The following MYO10 variants were observed in gnomAD, a reference collection of about 807,000 sequenced individuals.
MYO10 encodes myosin X, also known as unconventional myosin-X.
In MYO10, 133 loss-of-function variants were observed where a neutral mutation model predicts 257.3. The ratio of observed to expected loss-of-function variants is 0.52; its 90% CI spans 0.45 to 0.60. The LOEUF (loss-of-function observed/expected upper bound fraction) is 0.60. Among genes scored for constraint, MYO10 ranks in the 20% least tolerant of loss-of-function variants. The pLI is 0.00. For missense variants in MYO10, 2,399 were observed against 2,635.7 expected (o/e 0.91, Z 1.97); for synonymous variants, 1,104 against 1,028.6 (o/e 1.07, Z -1.40).
At chr5:16,730,553 G>C (rs184181833) in intron 19 of MYO10, among the ~76,000 whole-genome samples, 2 of 152,308 alleles carry the variant, frequency 1.3e-5, no homozygotes, top group Admixed American at 6.5e-5. Context: ...ATAACCAGAA[G>C]ACAAATCAGT....
chr5:16,872,942 G>A (rs1399536142), intron 2 of MYO10, among the ~76,000 whole-genome samples: 1 of 152,110 alleles, frequency 6.6e-6, no homozygotes, highest in Non-Finnish European at 1.5e-5. Flanking sequence ...TGAGATTTGG[G>A]TAGGGACACA....
rs139792900 is a variant in MYO10 at position 16,932,710 on chromosome 5, T to G, written c.21+3078A>C. Among the ~76,000 whole-genome samples the G allele has an allele frequency of 1.9e-3, 286 of 152,328 alleles. 2 individuals are homozygous for G. Among genetic ancestry groups the G allele is most frequent in the Non-Finnish European group, 3.1e-3 (214 of 68,030 alleles). ...TTGAAGTCAGCAGCTGTCAGCTGAC[T>G]GGCACAAGCTTTGCAAGCTTCCCCC... On this transcript the variant is annotated intron_variant, in intron 1 of 40. Coordinates refer to ENST00000513610, the MANE Select transcript of MYO10 (RefSeq NM_012334.3).
chr5:16,882,383 T>G (rs1744778794), intron 1 of MYO10, among the ~76,000 whole-genome samples: 5 of 146,926 alleles, frequency 3.4e-5, no homozygotes, highest in Admixed American at 3.4e-4. Flanking sequence ...CATAATCTTA[T>G]CATATATGTC....
intron 19 of MYO10, among the ~76,000 whole-genome samples, chr5:16,718,737 G>T (rs987030436): frequency 2.2e-4 from 33 of 151,982 alleles, no homozygotes; most frequent in Non-Finnish European, 4.4e-4. Context: ...TCTAGCTCAA[G>T]GATTGTAAAT....
At chr5:16,679,681 C>T (rs1245041355) in intron 33 of MYO10, among the ~76,000 whole-genome samples, 1 of 152,024 alleles carries the variant, frequency 6.6e-6, no homozygotes, top group Non-Finnish European at 1.5e-5. Context: ...TGCGTCACTA[C>T]ACCCGGCTAA....
intron 2 of MYO10, among the ~76,000 whole-genome samples, chr5:16,854,745 C>T (rs1262754731): frequency 6.6e-6 from 1 of 152,076 alleles, no homozygotes; most frequent in Non-Finnish European, 1.5e-5. Context: ...CAAAACAAAA[C>T]TATTGGCCGG....
chr5:16,797,115 GTA>G (rs1741995041), intron 3 of MYO10, among the ~76,000 whole-genome samples: 1 of 152,168 alleles, frequency 6.6e-6, no homozygotes, highest in Non-Finnish European at 1.5e-5. Flanking sequence ...GTTTTGTTCA[GTA>G]TAACTTTTCA....
At position 16,758,186 on chromosome 5, in the gene MYO10, G is replaced by A. The variant is rs765362402; in HGVS notation, c.1780C>T (p.Arg594Cys). ...CATTTCAAGGTATCCTGGTTGTTGC[G>A]GCTTGAAACATGTTCAAAAAGATCG... is the stretch of plus-strand genomic sequence containing the variant. ...IYDLFEHVSS[R>C]NNQDTLKCGS... is the part of the protein sequence containing the mutation. The change falls in exon 18 of 41, where the codon CGC becomes TGC. Residue 594 changes from arginine (R) to cysteine (C), a missense_variant. Physicochemically the swap from Arg to Cys is radical, Grantham distance 180. Transcript: ENST00000513610. 2.5e-5 allele frequency: 40 copies of A among 1,613,462 alleles called. No homozygotes were observed. Among genetic ancestry groups the A allele is most frequent in the Non-Finnish European group, 3.1e-5 (36 of 1,179,592 alleles).
At chr5:16,745,267 G>A (rs1400196236) in intron 19 of MYO10, among the ~76,000 whole-genome samples, 3 of 152,144 alleles carry the variant, frequency 2.0e-5, no homozygotes, top group Admixed American at 6.6e-5. Context: ...TTGAACCCGG[G>A]GGAGGTGGAG....
intron 1 of MYO10, among the ~76,000 whole-genome samples, chr5:16,917,801 G>A (rs892885096): frequency 6.6e-6 from 1 of 152,142 alleles, no homozygotes; most frequent in African/African-American, 2.4e-5. Flanking sequence ...CTTGAGCCCA[G>A]GAGGTCCGGG....
intron 9 of MYO10, among the ~76,000 whole-genome samples, chr5:16,769,838 T>A (rs1432200013): frequency 6.6e-6 from 1 of 152,234 alleles, no homozygotes; most frequent in African/African-American, 2.4e-5. Context: ...CAGTTTTCTG[T>A]ACAGCTATCA....
chr5:16,670,850 C>G lies in MYO10; in HGVS notation c.5559G>C (p.Glu1853Asp). 1.2e-6 allele frequency: 2 copies of G among 1,613,952 alleles called. No homozygotes were observed. The highest frequency in any genetic ancestry group is 1.7e-6 in the Non-Finnish European group (2 of 1,179,888). ...CCTTGAGTCTCTGCAGGGAATAAAC[C>G]TCTTCGAGAGGTGGGATGGCAGCGT... Reference protein sequence around the residue: ...TLHAAIPPLEEVYSLQRLKAR... With the variant: ...TLHAAIPPLEDVYSLQRLKAR... Residue 1853 changes from glutamate to aspartate, a missense_variant, in exon 39 of 41, where the codon GAG (glutamate) becomes GAC (aspartate). By Grantham distance (45) the Glu-to-Asp change is conservative. Transcript: ENST00000513610.
At chr5:16,672,333 A>G (rs1359475070) in intron 37 of MYO10, among the ~76,000 whole-genome samples, 1 of 150,786 alleles carries the variant, frequency 6.6e-6, no homozygotes, top group Non-Finnish European at 1.5e-5. Context: ...TATTGTAGAC[A>G]TAACACATAG....
rs1736014576 is a variant in MYO10 at position 16,662,321 on chromosome 5, T to TTTTTTTTTTTTTTTTC, written c.*4370_*4371insGAAAAAAAAAAAAAAA. On this transcript the variant is annotated 3_prime_UTR_variant, in exon 41 of 41. Coordinates refer to ENST00000513610, the MANE Select transcript of MYO10 (RefSeq NM_012334.3). ...CTGTCTTAGATTTCTGAACTATTTTTTTTTTTTTTTTTTTTTTTTGGAGAC... is the reference window on the plus strand; with the variant it reads ...CTGTCTTAGATTTCTGAACTATTTTTTTTTTTTTTTTTTTTCTTTTTTTTTTTTTTTTTTTGGAGAC... The TTTTTTTTTTTTTTTTC allele has an allele frequency of 1.7e-5, 1 of 60,272 alleles. No individual in the cohort carries two copies. Among genetic ancestry groups the TTTTTTTTTTTTTTTTC allele is most frequent in the African/African-American group, 6.8e-5 (1 of 14,618 alleles). The allele number at this position is 60,272 out of a possible 1,614,324, so 3.7% of individuals were successfully genotyped here. A position where few individuals can be genotyped will look rare whatever the true frequency, so the allele number is the denominator to read the frequency against.
chr5:16,912,063 GT>G lies in MYO10; in HGVS notation c.21+23724del, dbSNP rs1351751564. ...AAAAAAAAAATTAGGTTGTTTGTTT[GT>G]TTGTTTGTTTTTAAGCTCATCAGTC... On this transcript the variant is annotated intron_variant, in intron 1 of 40. Transcript: ENST00000513610. Among the ~76,000 whole-genome samples the G allele has an allele frequency of 2.5e-4, 38 of 152,086 alleles. No homozygotes were observed. The East Asian group carries it at 6.8e-3, about 27-fold the overall frequency.
chr5:16,880,833 A>T (rs1222673869), intron 1 of MYO10, among the ~76,000 whole-genome samples: 1 of 152,178 alleles, frequency 6.6e-6, no homozygotes, highest in Non-Finnish European at 1.5e-5. Context: ...ATCTGCTACG[A>T]CGCTGGTCTC....
At chr5:16,792,114 C>CAGAGAT (rs1741776828) in intron 4 of MYO10, among the ~76,000 whole-genome samples, 1 of 81,296 alleles carries the variant, frequency 1.2e-5, no homozygotes, top group Admixed American at 1.2e-4. Flanking sequence ...CATACATACA[C>CAGAGAT]ACACACACAC....
rs1390330006 is a variant in MYO10, at chr5:16,664,890, C to CAA, written c.*1800_*1801dup. ...AGACCTGATGAGCAAGTCCATGAAA[C>CAA]AAACACAAAGCCCAGACACTGAAAC... On this transcript the variant is annotated 3_prime_UTR_variant, in exon 41 of 41. Coordinates refer to ENST00000513610, the MANE Select transcript of MYO10 (RefSeq NM_012334.3). The CAA allele has an allele frequency of 2.6e-5, 4 of 152,228 alleles. No individual in the cohort carries two copies. The East Asian group carries it at 7.7e-4, about 29-fold the overall frequency. The allele number at this position is 152,228 out of a possible 1,614,324, so 9.4% of individuals were successfully genotyped here.
intron 1 of MYO10, among the ~76,000 whole-genome samples, chr5:16,922,865 T>C (rs1280776827): frequency 6.6e-6 from 1 of 152,086 alleles, no homozygotes; most frequent in African/African-American, 2.4e-5. Flanking sequence ...ACCTTATCTC[T>C]ATAAAAAATT....
Sources: allele counts gnomAD v4.1 joint callset (sites outside exome capture counted in the v4.1 genomes callset), GRCh38; gene constraint gnomAD v4.1.1; transcripts MANE v1.5; gene names NCBI Gene and HGNC (gene_info 2026-07-23, HGNC 2026-07-21).